Variants in KIF3A observed in about 807,000 individuals in gnomAD.
The protein encoded by KIF3A is kinesin family member 3A.
A neutral mutation model predicts 92.6 loss-of-function variants in KIF3A; 27 were observed. The ratio of observed to expected loss-of-function variants is 0.29; its 90% CI spans 0.21 to 0.40. KIF3A has a LOEUF of 0.40. Among genes scored for constraint, KIF3A ranks in the 10% least tolerant of loss-of-function variants. The pLI is 1.00. For synonymous variants in KIF3A, 250 were observed against 275.4 expected (o/e 0.91, Z 0.92); for missense variants, 581 against 872.6 (o/e 0.67, Z 4.21).
chr5:132,699,197 C>A lies in KIF3A; in HGVS notation c.2106G>T (p.Gly702=). The part of the protein sequence containing the change: ...MKLERPRTSK[G]KARPKTGRRK... Reference sequence around the variant, plus strand: ...TTCTCCCTGTCTTTGGCCTTGCTTTCCCCTTTGAAGTTCGTGGTCTTTCTA... The same window carrying A: ...TTCTCCCTGTCTTTGGCCTTGCTTTACCCTTTGAAGTTCGTGGTCTTTCTA... The change falls in exon 18 of 19, where the codon GGG becomes GGT. Residue 702 remains glycine (G), a synonymous_variant. Transcript: ENST00000403231. The A allele has an allele frequency of 1.2e-6, 2 of 1,614,060 alleles. No individual in the cohort carries two copies. The highest frequency in any genetic ancestry group is 1.3e-5 in the African/African-American group (1 of 75,036).
chr5:132,698,347 A>G (rs575968566), intron 18 of KIF3A, among the ~76,000 whole-genome samples: 20 of 152,210 alleles, frequency 1.3e-4, no homozygotes, highest in Non-Finnish European at 2.4e-4. Flanking sequence ...GCTCCAGCCC[A>G]GGACTCCCAT....
chr5:132,700,157 C>T lies in KIF3A; in HGVS notation c.2007+59G>A, dbSNP rs939655243. On this transcript the variant is annotated intron_variant, in intron 17 of 18. Transcript: ENST00000403231. ...ATAATACAATTTAATGACTCATATT[C>T]CTATAAAGAAACAACAGTAGTTTTG... 5.0e-5 allele frequency: 46 copies of T among 919,198 alleles called. No individual in the cohort carries two copies. In the Middle Eastern group the frequency reaches 1.3e-3, roughly 26 times the overall value. The allele number at this position is 919,198 out of a possible 1,614,324, so 56.9% of individuals were successfully genotyped here.
At chr5:132,698,146 T>C (rs1752901188) in intron 18 of KIF3A, among the ~76,000 whole-genome samples, 2 of 152,200 alleles carry the variant, frequency 1.3e-5, no homozygotes, top group Admixed American at 6.5e-5. Context: ...GTCATGTCTA[T>C]GAGATTATGT....
Position 132,719,285 on chromosome 5 carries a change from T to A in KIF3A, c.616+1324A>T, listed in dbSNP as rs570151134. Among the ~76,000 whole-genome samples the A allele has an allele frequency of 1.5e-3, 221 of 152,330 alleles. 3 individuals are homozygous for A. The highest frequency in any genetic ancestry group is 4.9e-3 in the African/African-American group (203 of 41,584). Reference sequence around the variant, plus strand: ...AGTTAAACAGCCTTTCACATACTTATTGCTGTGCTTAGTTCTTCTACGAAT... The same window carrying A: ...AGTTAAACAGCCTTTCACATACTTAATGCTGTGCTTAGTTCTTCTACGAAT... On this transcript the variant is annotated intron_variant, in intron 5 of 18. Coordinates refer to ENST00000403231, the MANE Select transcript of KIF3A (RefSeq NM_001300791.2).
intron 10 of KIF3A, among the ~76,000 whole-genome samples, chr5:132,707,449 C>G (rs993650407): frequency 1.3e-5 from 2 of 151,968 alleles, no homozygotes; most frequent in Non-Finnish European, 2.9e-5. Context: ...GAACAAAGTA[C>G]AACTCATTTC....
intron 3 of KIF3A, 30 bp downstream of exon 3, chr5:132,726,324 A>G (rs751958741): frequency 6.2e-7 from 1 of 1,609,412 alleles, no homozygotes. Context: ...GTACTTCTCA[A>G]TATCAGAAAA....
At position 132,699,255 on chromosome 5, in the gene KIF3A, G is replaced by A. The variant is rs1447042541; in HGVS notation, c.2048C>T (p.Thr683Ile). The change falls in exon 18 of 19, where the codon ACT (threonine) becomes ATT (isoleucine). Residue 683 changes from threonine (T) to isoleucine (I), a missense_variant. Transcript: ENST00000403231. ...VDLSHVYLAY[T>I]EESLRQSLMK... ...CAAAGACTGACGCAGACTCTCCTCA[G>A]TATAGGCAAGATACACGTGAGAAAG... The A allele has an allele frequency of 6.2e-7, 1 of 1,613,706 alleles. No individual in the cohort carries two copies.
At chr5:132,724,804 AAAATAT>A (rs1753958272) in intron 4 of KIF3A, among the ~76,000 whole-genome samples, 2 of 20,518 alleles carry the variant, frequency 9.7e-5, no homozygotes, top group African/African-American at 3.2e-4. Flanking sequence ...AAAAAAAAAA[AAAATAT>A]ATATATATAT....
intron 10 of KIF3A, among the ~76,000 whole-genome samples, chr5:132,708,199 G>A (rs551916630): frequency 1.3e-5 from 2 of 151,012 alleles, no homozygotes; most frequent in East Asian, 3.9e-4. Context: ...GGAGAATGGC[G>A]TGAACCCGGG....
intron 8 of KIF3A, among the ~76,000 whole-genome samples, chr5:132,714,009 G>A (rs901399056): frequency 4.4e-4 from 64 of 144,562 alleles, no homozygotes; most frequent in African/African-American, 1.6e-3. Flanking sequence ...TGATCCTCCT[G>A]CCTCAGCCTC....
intron 18 of KIF3A, among the ~76,000 whole-genome samples, chr5:132,698,800 TGATCTC>T (rs1190163581): frequency 1.7e-5 from 2 of 115,394 alleles, no homozygotes; most frequent in East Asian, 2.6e-4. Context: ...CATGATCTCA[TGATCTC>T]GGCTAACTGC....
At chr5:132,727,490 G>T (rs1754074191) in intron 2 of KIF3A, among the ~76,000 whole-genome samples, 1 of 152,210 alleles carries the variant, frequency 6.6e-6, no homozygotes, top group South Asian at 2.1e-4. Flanking sequence ...GATAGGAACA[G>T]TGTGGACAGC....
In KIF3A at chr5:132,737,528, C is replaced by A; in HGVS notation, c.-109G>T. ...ACTACCGAAACACCTCGTTGACGCT[C>A]TCGAGACTGCGGCTTCTCGGGCGAG... On this transcript the variant is annotated 5_prime_UTR_variant, in exon 1 of 19. Coordinates refer to ENST00000403231, the MANE Select transcript of KIF3A (RefSeq NM_001300791.2). 1 of 1,297,876 alleles carries A rather than the reference C, an allele frequency of 7.7e-7. No homozygotes were observed. The highest frequency in any genetic ancestry group is 2.8e-5 in the East Asian group (1 of 35,284). The allele number at this position is 1,297,876 out of a possible 1,614,324, so 80.4% of individuals were successfully genotyped here. A position where few individuals can be genotyped will look rare whatever the true frequency, so the allele number is the denominator to read the frequency against.
At chr5:132,713,959 T>C (rs1316440621) in intron 8 of KIF3A, among the ~76,000 whole-genome samples, 1 of 136,026 alleles carries the variant, frequency 7.4e-6, no homozygotes, top group Non-Finnish European at 1.6e-5. Context: ...TGCAGTGGCA[T>C]AATCTCGGCT....
chr5:132,706,554 C>T lies in KIF3A; in HGVS notation c.1301-95G>A, dbSNP rs1053816912. ...GGAAAACATTATTTCTCTTGTGAAA[C>T]AAAGAAAAATATATAATAGCATTCA... On this transcript the variant is annotated intron_variant, in intron 10 of 18. Coordinates refer to ENST00000403231, the MANE Select transcript of KIF3A (RefSeq NM_001300791.2). 1.5e-5 allele frequency: 16 copies of T among 1,032,778 alleles called. No individual in the cohort carries two copies. In the African/African-American group the frequency reaches 2.4e-4, roughly 15 times the overall value. The allele number at this position is 1,032,778 out of a possible 1,614,324, so 64.0% of individuals were successfully genotyped here.
At chr5:132,722,331 C>A (rs879165493) in intron 4 of KIF3A, among the ~76,000 whole-genome samples, 1 of 151,454 alleles carries the variant, frequency 6.6e-6, no homozygotes, top group Non-Finnish European at 1.5e-5. Context: ...GAATTTTTAT[C>A]AAAAAAAACA....
At chr5:132,712,595 T>C (rs1039566841) in intron 8 of KIF3A, among the ~76,000 whole-genome samples, 4 of 152,206 alleles carry the variant, frequency 2.6e-5, no homozygotes, top group African/African-American at 9.6e-5. Context: ...TATTGATGAA[T>C]ACTAAAAATA....
intron 15 of KIF3A, among the ~76,000 whole-genome samples, chr5:132,701,387 T>C (rs958750658): frequency 6.6e-6 from 1 of 150,690 alleles, no homozygotes; most frequent in Admixed American, 6.7e-5. Context: ...TAATCCCAGC[T>C]ACTCGGGAGG....
At chr5:132,709,229 A>G (rs922956465) in intron 9 of KIF3A, among the ~76,000 whole-genome samples, 2 of 152,202 alleles carry the variant, frequency 1.3e-5, no homozygotes, top group Non-Finnish European at 2.9e-5. Flanking sequence ...GGCAGATCCT[A>G]CTGGTCACCT....
Sources: allele counts gnomAD v4.1 joint callset (sites outside exome capture counted in the v4.1 genomes callset), GRCh38; gene constraint gnomAD v4.1.1; transcripts MANE v1.5; gene names NCBI Gene and HGNC (gene_info 2026-07-23, HGNC 2026-07-21).